The following RSRC1 variants were observed in gnomAD, a reference collection of about 807,000 sequenced individuals.
RSRC1 encodes the protein serine/Arginine-related protein 53.
Under a neutral mutation model 49.1 loss-of-function variants are expected in RSRC1, and 39 were observed. That is an observed-to-expected ratio of 0.79 (90% CI 0.61 to 1.04). The LOEUF is 1.04. Among genes scored for constraint, RSRC1 ranks in the 50% least tolerant of loss-of-function variants. The probability of loss-of-function intolerance (pLI) is 0.00; values close to 1 mark genes in which losing one functional copy is unlikely to be tolerated. For missense variants in RSRC1, 388 were observed against 402.4 expected, an observed-to-expected ratio of 0.96 and a Z score of 0.31; for synonymous variants, 143 against 130.8, an observed-to-expected ratio of 1.09 and a Z score of -0.63.
At chr3:158,347,170 T>C (rs1730601252) in intron 5 of RSRC1, among the ~76,000 whole-genome samples, 1 of 152,208 alleles carries the variant, frequency 6.6e-6, no homozygotes. Context: ...ATTTTGACTC[T>C]CTCTCTCTGA....
chr3:158,269,790 T>C (rs774990084), intron 4 of RSRC1, among the ~76,000 whole-genome samples: 6 of 152,166 alleles, frequency 3.9e-5, no homozygotes, highest in Non-Finnish European at 5.9e-5. Flanking sequence ...GGATTATAGG[T>C]GCCTGGCCCA....
Position 158,365,188 on chromosome 3 carries a change from T to C in RSRC1, c.583+10280T>C, listed in dbSNP as rs572191675. Among the ~76,000 whole-genome samples the C allele has an allele frequency of 1.8e-4, 28 of 152,320 alleles. No individual in the cohort carries two copies. In the East Asian group the frequency reaches 5.2e-3, roughly 28 times the overall value. ...ATTATACTTTAAGTTCTGGGATACA[T>C]GTGCCGAACATGCAGATTTGTTACA... On this transcript the variant is annotated intron_variant, in intron 6 of 9. Transcript: ENST00000611884.
chr3:158,185,444 A>G (rs1222630523), intron 3 of RSRC1, among the ~76,000 whole-genome samples: 2 of 151,942 alleles, frequency 1.3e-5, no homozygotes, highest in Non-Finnish European at 2.9e-5. Context: ...TCCTTAAAGC[A>G]TTTTGCCCTC....
chr3:158,474,767 C>A (rs1279308556), intron 7 of RSRC1, among the ~76,000 whole-genome samples: 1 of 152,162 alleles, frequency 6.6e-6, no homozygotes, highest in Non-Finnish European at 1.5e-5. Context: ...CTAGCTGATA[C>A]CTACCAATCC....
chr3:158,269,115 A>T (rs1725361749), intron 4 of RSRC1, among the ~76,000 whole-genome samples: 1 of 152,166 alleles, frequency 6.6e-6, no homozygotes, highest in Non-Finnish European at 1.5e-5. Context: ...TTATAGAATA[A>T]TAGATCATTT....
intron 4 of RSRC1, among the ~76,000 whole-genome samples, chr3:158,287,639 G>A (rs1726650816): frequency 6.6e-6 from 1 of 152,036 alleles, no homozygotes; most frequent in African/African-American, 2.4e-5. Context: ...TTATATGCAA[G>A]TATATTATTG....
chr3:158,451,411 A>C (rs997881125), intron 6 of RSRC1, among the ~76,000 whole-genome samples: 2 of 152,002 alleles, frequency 1.3e-5, no homozygotes, highest in African/African-American at 4.8e-5. Context: ...TAATATGTAA[A>C]ATTTTTAATG....
chr3:158,479,301 T>C lies in RSRC1; in HGVS notation c.652+18298T>C, dbSNP rs186850292. Among the ~76,000 whole-genome samples, 134 of 150,486 alleles carry C rather than the reference T, an allele frequency of 8.9e-4. 2 individuals are homozygous for C. In the East Asian group the frequency reaches 0.024, roughly 27 times the overall value. Reference sequence around the variant, plus strand: ...TAATAAAATAATACAAAATAATATATGGATATATGGATTCCCAGAACAAAA... The same window carrying C: ...TAATAAAATAATACAAAATAATATACGGATATATGGATTCCCAGAACAAAA... On this transcript the variant is annotated intron_variant, in intron 7 of 9. Transcript: ENST00000611884.
chr3:158,191,421 G>A (rs1473677886), intron 3 of RSRC1, among the ~76,000 whole-genome samples: 1 of 151,994 alleles, frequency 6.6e-6, no homozygotes, highest in South Asian at 2.1e-4. Context: ...TCTTTTGAAC[G>A]ACAAAATATT....
At chr3:158,137,740 G>A (rs565618256) in intron 3 of RSRC1, among the ~76,000 whole-genome samples, 55 of 148,054 alleles carry the variant, frequency 3.7e-4, no homozygotes, top group East Asian at 2.0e-3. Context: ...TGCGACCTCC[G>A]CCTCCTGGGT....
At chr3:158,451,741 A>G (rs1399617537) in intron 6 of RSRC1, among the ~76,000 whole-genome samples, 2 of 152,076 alleles carry the variant, frequency 1.3e-5, no homozygotes, top group Non-Finnish European at 2.9e-5. Context: ...CATGGGAATT[A>G]TTGAAGCATG....
intron 3 of RSRC1, among the ~76,000 whole-genome samples, chr3:158,127,714 TTTGA>T (rs1248765491): frequency 2.0e-5 from 3 of 151,348 alleles, no homozygotes; most frequent in African/African-American, 7.3e-5. Flanking sequence ...ATTTGGTTCC[TTTGA>T]TTGGGCTAGG....
chr3:158,388,081 C>T (rs1219840457), intron 6 of RSRC1, among the ~76,000 whole-genome samples: 3 of 151,852 alleles, frequency 2.0e-5, no homozygotes, highest in Non-Finnish European at 4.4e-5. Flanking sequence ...ACTTATTTAC[C>T]TAGTGCAATA....
chr3:158,440,246 T>C (rs1000240715), intron 6 of RSRC1, among the ~76,000 whole-genome samples: 1 of 151,862 alleles, frequency 6.6e-6, no homozygotes, highest in Non-Finnish European at 1.5e-5. Flanking sequence ...CTGGGAAAAA[T>C]GAGTGAGAAC....
chr3:158,424,019 C>G (rs201529503), intron 6 of RSRC1, among the ~76,000 whole-genome samples: 19,858 of 150,420 alleles, frequency 0.13, 1,408 homozygotes, highest in Middle Eastern at 0.2. Flanking sequence ...CGTCTGCAAA[C>G]AGGGACAATT....
intron 5 of RSRC1, among the ~76,000 whole-genome samples, chr3:158,303,773 A>G (rs1727700439): frequency 1.3e-5 from 2 of 152,276 alleles, no homozygotes; most frequent in South Asian, 4.2e-4. Context: ...AGATACTCCA[A>G]AAAGTTTACA....
intron 7 of RSRC1, among the ~76,000 whole-genome samples, chr3:158,489,407 A>C (rs892934407): frequency 1.3e-5 from 2 of 152,256 alleles, no homozygotes; most frequent in African/African-American, 4.8e-5. Flanking sequence ...TGGAATCTTC[A>C]GCCTCAAGAG....
At chr3:158,248,724 A>C (rs1289428367) in intron 4 of RSRC1, among the ~76,000 whole-genome samples, 1 of 151,896 alleles carries the variant, frequency 6.6e-6, no homozygotes, top group Non-Finnish European at 1.5e-5. Context: ...CAGCCTCCTG[A>C]GTAGCTGGGA....
In RSRC1 at chr3:158,137,054, C is replaced by T. The variant is rs572108354; in HGVS notation, c.320+13063C>T. Among the ~76,000 whole-genome samples, 7 of 152,278 alleles carry T rather than the reference C, an allele frequency of 4.6e-5. No individual in the cohort carries two copies. The South Asian group carries it at 1.2e-3, about 27-fold the overall frequency. ...AAATAAAGAAGCCCAGACCATGAGTCTAACCATGTATGCAGTTAATTTTTA... is the reference window on the plus strand; with the variant it reads ...AAATAAAGAAGCCCAGACCATGAGTTTAACCATGTATGCAGTTAATTTTTA... On this transcript the variant is annotated intron_variant, in intron 3 of 9. Coordinates refer to ENST00000611884, the MANE Select transcript of RSRC1 (RefSeq NM_001271838.2).
Sources: allele counts gnomAD v4.1 joint callset (sites outside exome capture counted in the v4.1 genomes callset), GRCh38; gene constraint gnomAD v4.1.1; transcripts MANE v1.5; gene names NCBI Gene and HGNC (gene_info 2026-07-23, HGNC 2026-07-21).